Variants in KCNN2 observed in about 807,000 individuals in gnomAD.
KCNN2 encodes potassium calcium-activated channel subfamily N member 2.
A neutral mutation model predicts 55.5 loss-of-function variants in KCNN2; 24 were observed. The observed-to-expected ratio is 0.43, with a 90% CI of 0.31 to 0.61. KCNN2 has a LOEUF of 0.61. Among genes scored for constraint, KCNN2 ranks in the 20% least tolerant of loss-of-function variants. KCNN2 has a pLI of 0.08. For synonymous variants in KCNN2, 431 were observed against 336.1 expected, an observed-to-expected ratio of 1.28 and a Z score of -3.09; for missense variants, 754 against 853.6, an observed-to-expected ratio of 0.88 and a Z score of 1.45.
chr5:114,215,363 G>A (rs1365623323), intron 1 of KCNN2, among the ~76,000 whole-genome samples: 1 of 152,134 alleles, frequency 6.6e-6, no homozygotes, highest in African/African-American at 2.4e-5. Flanking sequence ...TAAGCTGGGA[G>A]TAAGAAACCA....
At chr5:114,273,974 AC>A (rs1308130978) in intron 2 of KCNN2, among the ~76,000 whole-genome samples, 1 of 149,208 alleles carries the variant, frequency 6.7e-6, no homozygotes, top group African/African-American at 2.4e-5. Context: ...GGATTTTAGA[AC>A]TTATGTTTAA....
At chr5:114,187,826 T>TC (rs1428254583) in intron 1 of KCNN2, among the ~76,000 whole-genome samples, 6 of 148,430 alleles carry the variant, frequency 4.0e-5, no homozygotes, top group Non-Finnish European at 7.4e-5. Flanking sequence ...TCTTTTTTTT[T>TC]TTTTTTGAGA....
chr5:114,209,775 T>C (rs1199937193), intron 1 of KCNN2, among the ~76,000 whole-genome samples: 2 of 152,226 alleles, frequency 1.3e-5, no homozygotes, highest in African/African-American at 4.8e-5. Flanking sequence ...GATTTCCCTA[T>C]AAACCCAGAT....
chr5:114,149,253 T>C (rs1191651979), intron 1 of KCNN2, among the ~76,000 whole-genome samples: 1 of 152,034 alleles, frequency 6.6e-6, no homozygotes, highest in African/African-American at 2.4e-5. Context: ...AGAAAAGGTG[T>C]ACCTGGAGAC....
At chr5:114,236,063 A>C (rs1754484804) in intron 2 of KCNN2, among the ~76,000 whole-genome samples, 1 of 152,176 alleles carries the variant, frequency 6.6e-6, no homozygotes, top group Admixed American at 6.5e-5. Flanking sequence ...ATGTGAGTAT[A>C]TGTATTGTAT....
intron 1 of KCNN2, among the ~76,000 whole-genome samples, chr5:114,178,439 T>TA (rs1294562706): frequency 6.6e-6 from 1 of 152,188 alleles, no homozygotes; most frequent in Non-Finnish European, 1.5e-5. Context: ...TCAAGCTTGT[T>TA]AAAGATAGTC....
intron 1 of KCNN2, among the ~76,000 whole-genome samples, chr5:114,188,447 G>GA (rs1203187947): frequency 2.0e-5 from 3 of 152,084 alleles, no homozygotes; most frequent in Admixed American, 2.0e-4. Context: ...AAGCCAGTAT[G>GA]AAAATATTAA....
intron 1 of KCNN2, among the ~76,000 whole-genome samples, chr5:114,123,351 A>ATTTTTTTTTTT (rs1172994171): frequency 1.5e-5 from 1 of 65,018 alleles, no homozygotes; most frequent in Non-Finnish European, 2.9e-5. Context: ...CATTTTCTTA[A>ATTTTTTTTTTT]TTTTTTTTTT....
intron 1 of KCNN2, among the ~76,000 whole-genome samples, chr5:114,164,998 G>A (rs1438803711): frequency 6.6e-6 from 1 of 152,132 alleles, no homozygotes; most frequent in Non-Finnish European, 1.5e-5. Flanking sequence ...GACGAGTAAG[G>A]CACAGAAAGT....
At chr5:114,395,866 C>G (rs890910211) in intron 2 of KCNN2, among the ~76,000 whole-genome samples, 3 of 152,170 alleles carry the variant, frequency 2.0e-5, no homozygotes, top group Non-Finnish European at 4.4e-5. Flanking sequence ...TGGGCTTCCT[C>G]TGGACTTGGC....
chr5:114,185,515 T>C (rs948526715), intron 1 of KCNN2, among the ~76,000 whole-genome samples: 1 of 152,184 alleles, frequency 6.6e-6, no homozygotes, highest in Admixed American at 6.5e-5. Flanking sequence ...GGGATTCAAA[T>C]GGCTGGCAGG....
chr5:114,393,083 C>G (rs955131159), intron 2 of KCNN2, among the ~76,000 whole-genome samples: 3 of 151,936 alleles, frequency 2.0e-5, no homozygotes, highest in Non-Finnish European at 4.4e-5. Flanking sequence ...TGTTGTAGTA[C>G]TTATCACAAG....
At chr5:114,287,787 G>A (rs1755786095) in intron 2 of KCNN2, among the ~76,000 whole-genome samples, 1 of 151,928 alleles carries the variant, frequency 6.6e-6, no homozygotes, top group African/African-American at 2.4e-5. Context: ...TACTCAGAGA[G>A]TAGGATGCTT....
chr5:114,199,551 C>A (rs1213419997), intron 1 of KCNN2, among the ~76,000 whole-genome samples: 1 of 151,204 alleles, frequency 6.6e-6, no homozygotes, highest in African/African-American at 2.4e-5. Flanking sequence ...CTGTCATGTC[C>A]CCATTTGATT....
chr5:114,095,066 G>C (rs1427405273), intron 1 of KCNN2, among the ~76,000 whole-genome samples: 1 of 152,142 alleles, frequency 6.6e-6, no homozygotes, highest in Non-Finnish European at 1.5e-5. Flanking sequence ...AGAGTAGAGA[G>C]TGAAGAATAT....
chr5:114,465,506 G>A (rs1761402905), intron 4 of KCNN2, among the ~76,000 whole-genome samples: 1 of 152,100 alleles, frequency 6.6e-6, no homozygotes, highest in South Asian at 2.1e-4. Context: ...CAGCTATTCA[G>A]GAGGCTGAGG....
chr5:114,115,167 C>T (rs1454027636), intron 1 of KCNN2, among the ~76,000 whole-genome samples: 1 of 151,984 alleles, frequency 6.6e-6, no homozygotes, highest in Non-Finnish European at 1.5e-5. Flanking sequence ...AGTGATTATT[C>T]CATATGATTG....
intron 1 of KCNN2, among the ~76,000 whole-genome samples, chr5:114,198,133 T>C (rs1753596292): frequency 1.3e-5 from 2 of 151,990 alleles, no homozygotes; most frequent in African/African-American, 4.8e-5. Context: ...CTGTAGGATC[T>C]ATATCTGCCA....
chr5:114,479,893 G>C (rs1762146982), intron 5 of KCNN2, among the ~76,000 whole-genome samples: 1 of 152,102 alleles, frequency 6.6e-6, no homozygotes, highest in Non-Finnish European at 1.5e-5. Context: ...TGTTAAGAAG[G>C]AAATTTATAG....
Sources: allele counts gnomAD v4.1 joint callset (sites outside exome capture counted in the v4.1 genomes callset), GRCh38; gene constraint gnomAD v4.1.1; transcripts MANE v1.5; gene names NCBI Gene and HGNC (gene_info 2026-07-23, HGNC 2026-07-21).